Variants in MALRD1 observed in about 807,000 individuals in gnomAD.
MALRD1 encodes the protein MAM and LDL-receptor class A domain-containing protein 1.
Under a neutral mutation model 242.1 loss-of-function variants are expected in MALRD1, and 247 were observed. The ratio of observed to expected loss-of-function variants is 1.02; its 90% CI spans 0.92 to 1.13. The LOEUF (loss-of-function observed/expected upper bound fraction) is 1.13. MALRD1 is among the 50% of genes most tolerant of loss of function. The pLI, the probability that MALRD1 is intolerant of heterozygous loss-of-function variation, is 0.00. For missense variants in MALRD1, 2,989 were observed against 2,533.1 expected, an observed-to-expected ratio of 1.18 and a Z score of -3.86; for synonymous variants, 995 against 866.6, an observed-to-expected ratio of 1.15 and a Z score of -2.60.
intron 26 of MALRD1, among the ~76,000 whole-genome samples, chr10:19,373,139 T>C (rs1845451643): frequency 1.0e-5 from 1 of 98,028 alleles, no homozygotes; most frequent in Non-Finnish European, 2.0e-5. Flanking sequence ...AGCAGAAAAA[T>C]AAAAGTTGCT....
intron 1 of MALRD1, among the ~76,000 whole-genome samples, chr10:19,052,618 G>A (rs1471110275): frequency 2.0e-5 from 3 of 152,088 alleles, no homozygotes; most frequent in Non-Finnish European, 4.4e-5. Context: ...CAGCCCTCTA[G>A]CCCAGGGGGC....
chr10:19,688,650 C>T (rs538793937), intron 36 of MALRD1, among the ~76,000 whole-genome samples: 10 of 152,280 alleles, frequency 6.6e-5, no homozygotes, highest in East Asian at 1.9e-4. Flanking sequence ...TTTCTGTTTT[C>T]GCTTCCAGCC....
At chr10:19,231,430 A>G (rs920811502) in intron 18 of MALRD1, among the ~76,000 whole-genome samples, 3 of 152,130 alleles carry the variant, frequency 2.0e-5, no homozygotes, top group Admixed American at 6.6e-5. Flanking sequence ...CATAACCCTC[A>G]TTAGCCATTG....
chr10:19,237,909 T>TAGTTATATATAATTATATAG (rs1838449397), intron 18 of MALRD1, among the ~76,000 whole-genome samples: 1 of 71,522 alleles, frequency 1.4e-5, no homozygotes, highest in Non-Finnish European at 2.7e-5. Context: ...TAATTTTATA[T>TAGTTATATATAATTATATAG]AGTTATATAT....
chr10:19,098,352 A>C (rs1292370682), intron 4 of MALRD1, among the ~76,000 whole-genome samples: 1 of 152,198 alleles, frequency 6.6e-6, no homozygotes. Context: ...TATTTCATCG[A>C]GAAATGCTGA....
chr10:19,410,338 G>A (rs1724636305), intron 28 of MALRD1, among the ~76,000 whole-genome samples: 1 of 151,980 alleles, frequency 6.6e-6, no homozygotes, highest in South Asian at 2.1e-4. Flanking sequence ...TCACCTCATT[G>A]CAAACCACTC....
At chr10:19,730,460 C>T (rs2131939979) in intron 38 of MALRD1, 1 of 524,974 alleles carries the variant, frequency 1.9e-6, no homozygotes, top group South Asian at 2.0e-5. Context: ...TTTTATTTGC[C>T]TGAGTTTATT....
chr10:19,307,361 G>A lies in MALRD1; in HGVS notation c.3420-16588G>A, dbSNP rs557476630. On this transcript the variant is annotated intron_variant, in intron 21 of 39. Transcript: ENST00000454679. ...ATATGCTGTGATTCTGCTGGGACCC[G>A]ATTTCTATGAGCCCTCAACTGTCAG... Among the ~76,000 whole-genome samples the A allele has an allele frequency of 2.0e-5, 3 of 151,544 alleles. No homozygotes were observed. The Admixed American group carries it at 2.0e-4, about 10-fold the overall frequency.
At chr10:19,485,604 C>T (rs1050073785) in intron 29 of MALRD1, among the ~76,000 whole-genome samples, 6 of 150,476 alleles carry the variant, frequency 4.0e-5, no homozygotes, top group African/African-American at 1.5e-4. Context: ...GATCGCGCCA[C>T]TGCACTCCAG....
chr10:19,700,025 CACA>C (rs1564551806), intron 38 of MALRD1, among the ~76,000 whole-genome samples: 5 of 128,152 alleles, frequency 3.9e-5, no homozygotes, highest in Non-Finnish European at 6.6e-5. Flanking sequence ...GATTTAGACA[CACA>C]CACACACACA....
intron 18 of MALRD1, among the ~76,000 whole-genome samples, chr10:19,220,338 A>G (rs1837505432): frequency 6.6e-6 from 1 of 152,162 alleles, no homozygotes; most frequent in Middle Eastern, 3.2e-3. Context: ...TGTTGAATGA[A>G]AATGAGAGAG....
chr10:19,247,607 A>G (rs1260054728), intron 18 of MALRD1, among the ~76,000 whole-genome samples: 2 of 151,900 alleles, frequency 1.3e-5, no homozygotes, highest in Non-Finnish European at 2.9e-5. Flanking sequence ...CTCAAATACC[A>G]TTTTGGGAAT....
intron 30 of MALRD1, among the ~76,000 whole-genome samples, chr10:19,497,304 A>G (rs2131241793): frequency 6.8e-6 from 1 of 147,544 alleles, no homozygotes; most frequent in South Asian, 2.1e-4. Context: ...AACCTATTCT[A>G]TATTATATAA....
chr10:19,568,121 A>T (rs1398179186), intron 33 of MALRD1, among the ~76,000 whole-genome samples: 1 of 152,098 alleles, frequency 6.6e-6, no homozygotes, highest in Non-Finnish European at 1.5e-5. Context: ...TTTCTATTGT[A>T]CAAGCTAGAA....
intron 2 of MALRD1, among the ~76,000 whole-genome samples, chr10:19,083,770 C>T (rs190607118): frequency 3.7e-4 from 56 of 151,924 alleles, no homozygotes; most frequent in African/African-American, 1.3e-3. Flanking sequence ...GGAGAGTGGG[C>T]AATGAGACTA....
At chr10:19,200,653 T>TG (rs1836483891) in intron 14 of MALRD1, among the ~76,000 whole-genome samples, 1 of 93,280 alleles carries the variant, frequency 1.1e-5, no homozygotes, top group East Asian at 2.8e-4. Flanking sequence ...AGGTTTTTTT[T>TG]TTTTTTTTTT....
chr10:19,355,057 C>T (rs1462064794), intron 26 of MALRD1, among the ~76,000 whole-genome samples: 1 of 152,062 alleles, frequency 6.6e-6, no homozygotes, highest in Non-Finnish European at 1.5e-5. Flanking sequence ...AGGGAAAGAT[C>T]CCTTCAGTTT....
intron 28 of MALRD1, among the ~76,000 whole-genome samples, chr10:19,424,275 T>G (rs1833822208): frequency 6.6e-6 from 1 of 152,186 alleles, no homozygotes; most frequent in Admixed American, 6.5e-5. Flanking sequence ...TTCTCCTGCC[T>G]CAGCCTCTCG....
intron 18 of MALRD1, among the ~76,000 whole-genome samples, chr10:19,218,243 TTTAC>T (rs1369242358): frequency 6.6e-6 from 1 of 152,178 alleles, no homozygotes; most frequent in Non-Finnish European, 1.5e-5. Flanking sequence ...ATAAAAGTGT[TTTAC>T]TTAAAGTTAT....
Sources: allele counts gnomAD v4.1 joint callset (sites outside exome capture counted in the v4.1 genomes callset), GRCh38; gene constraint gnomAD v4.1.1; transcripts MANE v1.5; gene names NCBI Gene and HGNC (gene_info 2026-07-23, HGNC 2026-07-21).